VPS13B: variants seen among roughly 807,000 people sequenced by gnomAD.
VPS13B encodes the protein vacuolar protein sorting 13 homolog B, also known as intermembrane lipid transfer protein VPS13B.
Under a neutral mutation model 426.4 loss-of-function variants are expected in VPS13B, and 285 were observed. The observed-to-expected ratio is 0.67, with a 90% CI of 0.61 to 0.74. The LOEUF (loss-of-function observed/expected upper bound fraction) is 0.74. Among genes scored for constraint, VPS13B ranks in the 30% least tolerant of loss-of-function variants. The pLI is 0.00. For missense variants in VPS13B, 4,537 were observed against 4,782.6 expected, an observed-to-expected ratio of 0.95 and a Z score of 1.51; for synonymous variants, 1,676 against 1,676.4, an observed-to-expected ratio of 1.00 and a Z score of 0.01.
At chr8:99,124,694 G>T (rs1848106912) in intron 8 of VPS13B, among the ~76,000 whole-genome samples, 1 of 152,004 alleles carries the variant, frequency 6.6e-6, no homozygotes, top group Non-Finnish European at 1.5e-5. Flanking sequence ...AGACCAGCCT[G>T]GCCAACATGT....
chr8:99,508,033 A>G, intron 28 of VPS13B: 3 of 1,441,434 alleles, frequency 2.1e-6, no homozygotes, highest in Non-Finnish European at 2.9e-6. Context: ...AACTTTATAA[A>G]TGAAGTATAA....
intron 35 of VPS13B, among the ~76,000 whole-genome samples, chr8:99,689,053 T>C (rs1000594468): frequency 2.0e-5 from 3 of 152,090 alleles, no homozygotes; most frequent in Admixed American, 2.0e-4. Context: ...TGTTCAGGTG[T>C]GGTTACATTT....
At chr8:99,559,722 C>G (rs181689041) in intron 31 of VPS13B, among the ~76,000 whole-genome samples, 2 of 151,946 alleles carry the variant, frequency 1.3e-5, no homozygotes, top group African/African-American at 2.4e-5. Flanking sequence ...GTTGTAGATA[C>G]GCGGCATTAT....
At chr8:99,068,457 C>T (rs574101526) in intron 3 of VPS13B, among the ~76,000 whole-genome samples, 1 of 152,124 alleles carries the variant, frequency 6.6e-6, no homozygotes, top group African/African-American at 2.4e-5. Context: ...TTTGTAAATA[C>T]AAGTTTTTTG....
At chr8:99,210,389 G>A (rs1338104296) in intron 17 of VPS13B, among the ~76,000 whole-genome samples, 1 of 152,124 alleles carries the variant, frequency 6.6e-6, no homozygotes, top group East Asian at 1.9e-4. Flanking sequence ...GTGTACTTCT[G>A]TGGCACTCTG....
intron 3 of VPS13B, chr8:99,094,109 T>C (rs1236376492): frequency 1.3e-5 from 2 of 152,246 alleles, no homozygotes; most frequent in Non-Finnish European, 2.9e-5. Context: ...CTGGAATGTT[T>C]ATTATGACAT....
At chr8:99,563,022 G>A (rs1405402859) in intron 31 of VPS13B, among the ~76,000 whole-genome samples, 2 of 152,212 alleles carry the variant, frequency 1.3e-5, no homozygotes, top group African/African-American at 4.8e-5. Context: ...AATTAGCAGG[G>A]CATGGTGGCA....
At chr8:99,087,827 G>T (rs1430526152) in intron 3 of VPS13B, among the ~76,000 whole-genome samples, 4 of 151,862 alleles carry the variant, frequency 2.6e-5, no homozygotes, top group South Asian at 2.1e-4. Context: ...TACACATTCA[G>T]CTTTCCTGTG....
chr8:99,684,049 A>AT (rs1443236893), intron 35 of VPS13B, among the ~76,000 whole-genome samples: 3 of 152,188 alleles, frequency 2.0e-5, no homozygotes, highest in Non-Finnish European at 4.4e-5. Context: ...TGGATATTGA[A>AT]TTTTTCAAAA....
Position 99,699,540 on chromosome 8 carries a change from A to T in VPS13B, c.6062A>T (p.Asp2021Val). ...ACTTCTATAGCGGATGTCAATTTGG[A>T]TATATCAAAGCCTTTGAAAGCAAAC... is the stretch of plus-strand genomic sequence containing the variant. ...FLNGPADVNLDISKPLKANLS... is the reference protein window; with the variant it reads ...FLNGPADVNLVISKPLKANLS... The change falls in exon 36 of 62, where the codon GAT becomes GTT. Residue 2021 changes from aspartate to valine, a missense_variant. Coordinates refer to ENST00000357162, the MANE Select transcript of VPS13B (RefSeq NM_152564.5). The T allele has an allele frequency of 4.3e-6, 7 of 1,613,756 alleles. No homozygotes were observed. The highest frequency in any genetic ancestry group is 5.9e-6 in the Non-Finnish European group (7 of 1,179,992).
intron 19 of VPS13B, among the ~76,000 whole-genome samples, chr8:99,339,391 AAGAG>A (rs981245867): frequency 6.6e-6 from 1 of 151,998 alleles, no homozygotes; most frequent in Non-Finnish European, 1.5e-5. Flanking sequence ...GAGTAGGAGA[AAGAG>A]AGAATGGAGG....
At chr8:99,777,776 C>T (rs149577436) in intron 41 of VPS13B, among the ~76,000 whole-genome samples, 158 of 152,198 alleles carry the variant, frequency 1.0e-3, no homozygotes, top group African/African-American at 3.5e-3. Flanking sequence ...TTAAATTTTC[C>T]CACACACCAA....
chr8:99,392,375 G>C (rs940266931), intron 21 of VPS13B, among the ~76,000 whole-genome samples: 2 of 151,774 alleles, frequency 1.3e-5, no homozygotes, highest in African/African-American at 4.8e-5. Context: ...TAATTTTTAT[G>C]ATTTTATTTT....
chr8:99,129,267 A>G (rs1809618017), intron 8 of VPS13B, among the ~76,000 whole-genome samples: 1 of 151,764 alleles, frequency 6.6e-6, no homozygotes, highest in South Asian at 2.1e-4. Flanking sequence ...AAATTAAAAT[A>G]TAATAAAATA....
intron 17 of VPS13B, among the ~76,000 whole-genome samples, chr8:99,225,535 C>T (rs1426499977): frequency 6.6e-6 from 1 of 152,156 alleles, no homozygotes; most frequent in African/African-American, 2.4e-5. Flanking sequence ...CTTGGCCTAA[C>T]TGTTATTTTC....
chr8:99,431,495 A>T (rs1460594565), intron 21 of VPS13B, 42 bp from the exon 22 acceptor site: 3 of 1,609,104 alleles, frequency 1.9e-6, no homozygotes, highest in Admixed American at 3.3e-5. Context: ...GTGAAATTGT[A>T]AGTTATGTTT....
Position 99,697,543 on chromosome 8 carries a change from C to A in VPS13B, c.6047-1982C>A, listed in dbSNP as rs899028392. On this transcript the variant is annotated intron_variant, in intron 35 of 61. Coordinates refer to ENST00000357162, the MANE Select transcript of VPS13B (RefSeq NM_152564.5). ...AGGAGCTGGAGCTGCTGAAGGAGGACGTGCAGGACTACAGCGAGAACATGC... is the reference window on the plus strand; with the variant it reads ...AGGAGCTGGAGCTGCTGAAGGAGGAAGTGCAGGACTACAGCGAGAACATGC... 9 of 715,696 alleles carry A rather than the reference C, an allele frequency of 1.3e-5. No homozygotes were observed. The African/African-American group carries it at 1.6e-4, about 13-fold the overall frequency. The allele number at this position is 715,696 out of a possible 1,614,324, so 44.3% of individuals were successfully genotyped here.
intron 35 of VPS13B, among the ~76,000 whole-genome samples, chr8:99,672,620 T>C (rs949689235): frequency 1.3e-4 from 20 of 152,166 alleles, no homozygotes; most frequent in Admixed American, 2.6e-4. Flanking sequence ...TTTTCCTATT[T>C]GGATTCCTTT....
intron 17 of VPS13B, among the ~76,000 whole-genome samples, chr8:99,264,000 A>G (rs1563634569): frequency 6.6e-6 from 1 of 152,198 alleles, no homozygotes; most frequent in Non-Finnish European, 1.5e-5. Flanking sequence ...ATGAGTTAGA[A>G]TATGCTACCA....
Sources: allele counts gnomAD v4.1 joint callset (sites outside exome capture counted in the v4.1 genomes callset), GRCh38; gene constraint gnomAD v4.1.1; transcripts MANE v1.5; gene names NCBI Gene and HGNC (gene_info 2026-07-23, HGNC 2026-07-21).